AKR1A1: variants seen among roughly 807,000 people sequenced by gnomAD.
The protein encoded by AKR1A1 is aldo-keto reductase family 1 member A1, also known as HEL-S-165mP.
In AKR1A1, 26 loss-of-function variants were observed where a neutral mutation model predicts 39.2. The observed-to-expected ratio is 0.66, with a 90% CI of 0.49 to 0.92. The LOEUF is 0.92. Ranked by LOEUF, AKR1A1 falls within the 40% of genes least tolerant of loss-of-function variation. AKR1A1 has a pLI of 0.00. For synonymous variants in AKR1A1, 141 were observed against 155.5 expected (o/e 0.91, Z 0.69); for missense variants, 378 against 406.5 (o/e 0.93, Z 0.60).
intron 1 of AKR1A1, among the ~76,000 whole-genome samples, chr1:45,561,126 A>G (rs868722763): frequency 6.6e-6 from 1 of 152,324 alleles, no homozygotes; most frequent in South Asian, 2.1e-4. Context: ...TCTCTCTCTC[A>G]TAATGGCCTT....
At chr1:45,551,531 A>C (rs1644130785) in intron 1 of AKR1A1, among the ~76,000 whole-genome samples, 1 of 152,180 alleles carries the variant, frequency 6.6e-6, no homozygotes, top group Non-Finnish European at 1.5e-5. Context: ...AGTTCTCAGA[A>C]GTGGGGAGAA....
rs140700822 is a variant in AKR1A1 at position 45,552,383 on chromosome 1, CAGAA to C, written c.-7+1234_-7+1237del. 2.0e-5 allele frequency: 3 copies of C among 151,908 alleles called. No individual in the cohort carries two copies. In the East Asian group the frequency reaches 5.8e-4, roughly 29 times the overall value. 9.4% of individuals were successfully genotyped at this position (151,908 alleles called of 1,614,324 possible). A position where few individuals can be genotyped will look rare whatever the true frequency, so the allele number is the denominator to read the frequency against. Reference sequence around the variant, plus strand: ...AAAAATTCCCCCTAGCAAGCAGACTCAGAAAGAAAAAAACAAATTTTTGTAGAGA... The same window carrying C: ...AAAAATTCCCCCTAGCAAGCAGACTCAGAAAAAAACAAATTTTTGTAGAGA... On this transcript the variant is annotated intron_variant, in intron 1 of 8. Coordinates refer to ENST00000351829, the MANE Select transcript of AKR1A1 (RefSeq NM_153326.3).
intron 2 of AKR1A1, among the ~76,000 whole-genome samples, chr1:45,565,302 G>T (rs1221836711): frequency 1.3e-5 from 2 of 150,360 alleles, no homozygotes; most frequent in African/African-American, 4.9e-5. Flanking sequence ...AGCTAATTTT[G>T]TATTTTTAGT....
intron 1 of AKR1A1, among the ~76,000 whole-genome samples, chr1:45,558,342 TC>T (rs781476345): frequency 2.0e-5 from 3 of 151,522 alleles, no homozygotes; most frequent in Non-Finnish European, 4.4e-5. Flanking sequence ...GATTCTCATG[TC>T]TTGGCCTCCC....
rs1644348588 is a variant in AKR1A1 at position 45,566,694 on chromosome 1, G to A, written c.204+6G>A. ...AGGACGTGGGACCAGGCAAGGTAAG[G>A]ACTGGGGTTGTAAATAGAGGTGGGA... On this transcript the variant is annotated splice_donor_region_variant and intron_variant, in intron 3 of 8. Transcript: ENST00000351829. The A allele has an allele frequency of 6.2e-7, 1 of 1,613,930 alleles. No individual in the cohort carries two copies.
intron 4 of AKR1A1, 65 bp downstream of exon 4, chr1:45,567,085 T>C (rs561276617): frequency 3.8e-6 from 6 of 1,573,574 alleles, no homozygotes; most frequent in African/African-American, 1.3e-5. Flanking sequence ...TAGTAACTTA[T>C]TGTAAGTCAC....
intron 2 of AKR1A1, among the ~76,000 whole-genome samples, chr1:45,564,895 T>C (rs1343097656): frequency 6.6e-6 from 1 of 151,926 alleles, no homozygotes; most frequent in Non-Finnish European, 1.5e-5. Flanking sequence ...CAATCTCGCC[T>C]CACTGCAAGC....
intron 1 of AKR1A1, among the ~76,000 whole-genome samples, chr1:45,553,502 A>G (rs549735887): frequency 2.0e-5 from 3 of 152,274 alleles, no homozygotes; most frequent in East Asian, 3.9e-4. Context: ...AGATTTAGGA[A>G]TATATATTTT....
rs756140741 is a variant in AKR1A1, at chr1:45,566,598, C to T, written c.114C>T (p.Ser38=). The change falls in exon 3 of 9, where the codon AGC becomes AGT. Residue 38 remains serine (S), a synonymous_variant. Transcript: ENST00000351829. ...QVKAAVKYAL[S]VGYRHIDCAA... is the part of the protein sequence containing the mutation. ...AAGCAGCTGTTAAGTATGCCCTTAG[C>T]GTAGGCTACCGCCACATTGATTGTG... The T allele has an allele frequency of 1.2e-6, 2 of 1,614,204 alleles. No homozygotes were observed. Among genetic ancestry groups the T allele is most frequent in the East Asian group, 2.2e-5 (1 of 44,886 alleles).
At chr1:45,568,272 G>A (rs1644371770) in intron 5 of AKR1A1, 95 bp downstream of exon 5, 3 of 1,417,686 alleles carry the variant, frequency 2.1e-6, no homozygotes, top group South Asian at 2.7e-5. Context: ...TAGCTAGCAA[G>A]TTGTCAGAGT....
intron 5 of AKR1A1, 137 bp from the exon 6 acceptor site, chr1:45,568,348 T>G: frequency 8.1e-7 from 1 of 1,237,324 alleles, no homozygotes; most frequent in Non-Finnish European, 1.1e-6. Context: ...AAATTGCCGA[T>G]GGGAAATGGT....
intron 1 of AKR1A1, among the ~76,000 whole-genome samples, chr1:45,556,304 C>T (rs183462855): frequency 2.0e-5 from 3 of 152,358 alleles, no homozygotes; most frequent in Non-Finnish European, 2.9e-5. Flanking sequence ...AGGTTTCCGC[C>T]GGGCGCGGCG....
intron 1 of AKR1A1, among the ~76,000 whole-genome samples, chr1:45,558,502 G>A (rs1436092387): frequency 6.6e-6 from 1 of 150,444 alleles, no homozygotes. Flanking sequence ...GAGTTCAAGC[G>A]ATTCCTCCTG....
chr1:45,561,351 C>G (rs115264604), intron 1 of AKR1A1, among the ~76,000 whole-genome samples: 2,090 of 152,210 alleles, frequency 0.014, 40 homozygotes, highest in African/African-American at 0.044. Flanking sequence ...CCTTTGCTCA[C>G]AGGCACATAT....
intron 2 of AKR1A1, 136 bp downstream of exon 2, chr1:45,562,014 T>C: frequency 1.2e-6 from 1 of 821,368 alleles, no homozygotes; most frequent in Non-Finnish European, 1.9e-6. Context: ...TTATACATCC[T>C]GGGCTTCCCC....
At chr1:45,557,991 C>A (rs578219374) in intron 1 of AKR1A1, among the ~76,000 whole-genome samples, 53 of 142,708 alleles carry the variant, frequency 3.7e-4, no homozygotes, top group African/African-American at 1.4e-3. Context: ...CTCACTGCAA[C>A]CTCTGCCTCC....
Position 45,558,143 on chromosome 1 carries a change from A to G in AKR1A1, c.-6-3646A>G, listed in dbSNP as rs542681545. Among the ~76,000 whole-genome samples the G allele has an allele frequency of 3.3e-5, 5 of 151,228 alleles. No homozygotes were observed. In the East Asian group the frequency reaches 9.9e-4, roughly 30 times the overall value. On this transcript the variant is annotated intron_variant, in intron 1 of 8. Coordinates refer to ENST00000351829, the MANE Select transcript of AKR1A1 (RefSeq NM_153326.3). ...AGGCTGGTCTCGAACTCCTGACCTCAAGTCTTAAGTGATCTGCCTGCCTCG... is the reference window on the plus strand; with the variant it reads ...AGGCTGGTCTCGAACTCCTGACCTCGAGTCTTAAGTGATCTGCCTGCCTCG...
chr1:45,554,291 C>T (rs924652581), intron 1 of AKR1A1, among the ~76,000 whole-genome samples: 1 of 151,850 alleles, frequency 6.6e-6, no homozygotes, highest in Non-Finnish European at 1.5e-5. Flanking sequence ...AGCTGGACAT[C>T]GTGGCCCATG....
chr1:45,555,776 C>A (rs901961752), intron 1 of AKR1A1, among the ~76,000 whole-genome samples: 3 of 152,118 alleles, frequency 2.0e-5, no homozygotes, highest in Admixed American at 6.6e-5. Flanking sequence ...AATATCAGAA[C>A]TGAGATTCAA....
Sources: allele counts gnomAD v4.1 joint callset (sites outside exome capture counted in the v4.1 genomes callset), GRCh38; gene constraint gnomAD v4.1.1; transcripts MANE v1.5; gene names NCBI Gene and HGNC (gene_info 2026-07-23, HGNC 2026-07-21).